SF3B6: variants seen among roughly 807,000 people sequenced by gnomAD.
SF3B6 encodes SF3b 14 kDa subunit.
A neutral mutation model predicts 15.9 loss-of-function variants in SF3B6; 3 were observed. The ratio of observed to expected loss-of-function variants is 0.19; its 90% confidence interval spans 0.09 to 0.49. The LOEUF (loss-of-function observed/expected upper bound fraction) is 0.49, where lower values mean the gene tolerates loss of function less well. Ranked by LOEUF, SF3B6 falls within the 20% of genes least tolerant of loss-of-function variation. The probability of loss-of-function intolerance (pLI) is 0.97; values close to 1 mark genes in which losing one functional copy is unlikely to be tolerated. For missense variants in SF3B6, 71 were observed against 154.3 expected, an observed-to-expected ratio of 0.46 and a Z score of 2.86; for synonymous variants, 49 against 51.1, an observed-to-expected ratio of 0.96 and a Z score of 0.18.
intron 2 of SF3B6, 88 bp downstream of exon 2, chr2:24,073,988 C>T: frequency 1.2e-6 from 1 of 834,004 alleles, no homozygotes. Flanking sequence ...TCGCACTGCA[C>T]ACAGCACAGG....
At chr2:24,070,374 C>T (rs1451026819) in intron 2 of SF3B6, among the ~76,000 whole-genome samples, 1 of 152,098 alleles carries the variant, frequency 6.6e-6, no homozygotes, top group African/African-American at 2.4e-5. Flanking sequence ...GAACTCCTGG[C>T]CTCAAGTGAT....
intron 1 of SF3B6, among the ~76,000 whole-genome samples, chr2:24,075,750 G>A (rs13432268): frequency 2.6e-5 from 4 of 151,842 alleles, no homozygotes; most frequent in African/African-American, 2.4e-5. Flanking sequence ...ATGGCAAGCA[G>A]AATACATAGT....
chr2:24,069,962 T>C (rs1224362890), intron 2 of SF3B6, among the ~76,000 whole-genome samples: 1 of 152,232 alleles, frequency 6.6e-6, no homozygotes, highest in African/African-American at 2.4e-5. Context: ...CAGACGCTAA[T>C]ACGCCTTTGA....
Position 24,076,193 on chromosome 2 carries a change from T to C in SF3B6, c.30+7A>G. ...CTCCCACCCTCCGCAGAACACCCGATACTCACGTTCGCCCTCTTGGCCGCT... is the reference window on the plus strand; with the variant it reads ...CTCCCACCCTCCGCAGAACACCCGACACTCACGTTCGCCCTCTTGGCCGCT... On this transcript the variant is annotated splice_region_variant and intron_variant, in intron 1 of 3. Transcript: ENST00000233468. 1 of 1,614,168 alleles carries C rather than the reference T, an allele frequency of 6.2e-7. No individual in the cohort carries two copies. Among genetic ancestry groups the C allele is most frequent in the Non-Finnish European group, 8.5e-7 (1 of 1,180,010 alleles).
At chr2:24,072,644 T>C (rs1165054494) in intron 2 of SF3B6, among the ~76,000 whole-genome samples, 1 of 152,226 alleles carries the variant, frequency 6.6e-6, no homozygotes, top group Admixed American at 6.5e-5. Flanking sequence ...TTAAATATTT[T>C]CTCCAGTTTC....
intron 2 of SF3B6, among the ~76,000 whole-genome samples, chr2:24,069,325 C>T (rs1321080979): frequency 3.3e-5 from 5 of 152,148 alleles, no homozygotes; most frequent in African/African-American, 4.8e-5. Context: ...CTTATGGATA[C>T]GAGGTTGCTG....
At chr2:24,070,012 ACACTT>A (rs1664629404) in intron 2 of SF3B6, among the ~76,000 whole-genome samples, 1 of 152,174 alleles carries the variant, frequency 6.6e-6, no homozygotes, top group South Asian at 2.1e-4. Context: ...TCTCTCACAC[ACACTT>A]TGTTCAGGAA....
At chr2:24,073,620 AT>A (rs1415421603) in intron 2 of SF3B6, 2 of 152,294 alleles carry the variant, frequency 1.3e-5, no homozygotes, top group Admixed American at 6.5e-5. Context: ...TGAAAATATC[AT>A]TTTTTTCTGT....
At position 24,074,207 on chromosome 2, in the gene SF3B6, A is replaced by G. The variant is rs1455435050; in HGVS notation, c.31-13T>C. ...GTGGAAGTCGAATCTAAAATGAGAAATACGTATTGTTATTATAATTAGGGG... is the reference window on the plus strand; with the variant it reads ...GTGGAAGTCGAATCTAAAATGAGAAGTACGTATTGTTATTATAATTAGGGG... On this transcript the variant is annotated splice_polypyrimidine_tract_variant and intron_variant, in intron 1 of 3. Coordinates refer to ENST00000233468, the MANE Select transcript of SF3B6 (RefSeq NM_016047.4). 1 of 1,382,898 alleles carries G rather than the reference A, an allele frequency of 7.2e-7. No homozygotes were observed. The highest frequency in any genetic ancestry group is 1.0e-6 in the Non-Finnish European group (1 of 975,622). The allele number at this position is 1,382,898 out of a possible 1,614,324, so 85.7% of individuals were successfully genotyped here. A position where few individuals can be genotyped will look rare whatever the true frequency, so the allele number is the denominator to read the frequency against.
intron 2 of SF3B6, 25 bp downstream of exon 2, chr2:24,074,043 ATCATTTTC>A (rs1664695229): frequency 1.6e-6 from 2 of 1,283,988 alleles, no homozygotes; most frequent in Non-Finnish European, 2.3e-6. Flanking sequence ...AGATTATGCT[ATCATTTTC>A]TTTAAATGAC....
At chr2:24,067,999 G>A in intron 3 of SF3B6, 148 bp from the exon 4 acceptor site, 3 of 746,512 alleles carry the variant, frequency 4.0e-6, no homozygotes, top group South Asian at 1.7e-5. Flanking sequence ...GAGTCTCTCT[G>A]TTGCCCAGGC....
chr2:24,072,648 C>T (rs1664675903), intron 2 of SF3B6, among the ~76,000 whole-genome samples: 1 of 152,180 alleles, frequency 6.6e-6, no homozygotes, highest in African/African-American at 2.4e-5. Context: ...ATATTTTCTC[C>T]AGTTTCGTAA....
At chr2:24,067,881 T>C in intron 3 of SF3B6, 30 bp from the exon 4 acceptor site, 4 of 1,582,910 alleles carry the variant, frequency 2.5e-6, no homozygotes, top group Non-Finnish European at 3.5e-6. Flanking sequence ...CAAAATTAAA[T>C]TACCAATCTA....
chr2:24,073,924 G>C (rs982516419), intron 2 of SF3B6, 152 bp downstream of exon 2: 2 of 588,880 alleles, frequency 3.4e-6, no homozygotes, highest in Middle Eastern at 4.4e-4. Flanking sequence ...CCTTCAAAAA[G>C]ATCTCATCTC....
chr2:24,074,296 A>T (rs2150978935), intron 1 of SF3B6, 102 bp from the exon 2 acceptor site: 3 of 606,000 alleles, frequency 5.0e-6, no homozygotes, highest in Non-Finnish European at 8.6e-6. Context: ...ATTCTTAATG[A>T]TACGTAATAA....
At chr2:24,076,034 G>T (rs141651456) in intron 1 of SF3B6, among the ~76,000 whole-genome samples, 166 bp downstream of exon 1, 38 of 152,284 alleles carry the variant, frequency 2.5e-4, no homozygotes, top group African/African-American at 9.1e-4. Context: ...GTGGCTCAAG[G>T]AGCATATCTC....
intron 1 of SF3B6, among the ~76,000 whole-genome samples, chr2:24,074,660 G>A (rs1007439322): frequency 6.6e-6 from 1 of 152,130 alleles, no homozygotes; most frequent in African/African-American, 2.4e-5. Context: ...ATGACCAATT[G>A]AAATACTTTT....
At chr2:24,075,638 CAGA>C (rs1664730697) in intron 1 of SF3B6, among the ~76,000 whole-genome samples, 1 of 151,390 alleles carries the variant, frequency 6.6e-6, no homozygotes, top group African/African-American at 2.4e-5. Context: ...AGAATGTAAG[CAGA>C]AGGACTTGTT....
chr2:24,074,173 T>A lies in SF3B6; in HGVS notation c.52A>T (p.Asn18Tyr). 1 of 1,595,026 alleles carries A rather than the reference T, an allele frequency of 6.3e-7. No individual in the cohort carries two copies. Among genetic ancestry groups the A allele is most frequent in the Non-Finnish European group, 8.6e-7 (1 of 1,164,520 alleles). ...RANIRLPPEV[N>Y]RILYIRNLPY... ...AAATTTCTTATATACAATATCCGAT[T>A]TACTTCAGGTGGAAGTCGAATCTAA... is the stretch of plus-strand genomic sequence containing the variant. Residue 18 changes from asparagine to tyrosine, a missense_variant, in exon 2 of 4, where the codon AAT (asparagine) becomes TAT (tyrosine). Physicochemically the swap from Asn to Tyr is moderately radical, Grantham distance 143. This residue lies in a region of SF3B6 where 17 missense variants were observed against 19.9 expected (regional missense o/e 0.86). Transcript: ENST00000233468.
Sources: gnomAD v4.1 joint callset for allele counts (sites outside exome capture counted in the v4.1 genomes callset) on GRCh38, gnomAD v4.1.1 for gene constraint, gnomAD v4.1.1 regional missense constraint, MANE v1.5 for transcripts, NCBI Gene and HGNC (gene_info 2026-07-23, HGNC 2026-07-21) for gene names.